The following WWOX variants were observed in gnomAD, a reference collection of about 807,000 sequenced individuals.
WWOX encodes WW domain containing oxidoreductase, also known as WW domain-containing oxidoreductase.
In WWOX, 69 loss-of-function variants were observed where a neutral mutation model predicts 46.2. The ratio of observed to expected loss-of-function variants is 1.49; its 90% CI spans 1.23 to 1.82. WWOX has a LOEUF of 1.82. Among genes scored for constraint, WWOX ranks in the 40% most tolerant of loss-of-function variants. WWOX has a pLI of 0.00. For synonymous variants in WWOX, 359 were observed against 202.6 expected, an observed-to-expected ratio of 1.77 and a Z score of -6.56; for missense variants, 919 against 542.6, an observed-to-expected ratio of 1.69 and a Z score of -6.89.
chr16:78,385,426 G>T (rs774757654), intron 5 of WWOX, among the ~76,000 whole-genome samples: 1 of 152,156 alleles, frequency 6.6e-6, no homozygotes, highest in African/African-American at 2.4e-5. Context: ...TTATGAACAT[G>T]TATCGTTACA....
At chr16:78,176,257 A>T (rs2345440) in intron 5 of WWOX, among the ~76,000 whole-genome samples, 117,107 of 152,126 alleles carry the variant, frequency 0.77, 45,810 homozygotes, top group African/African-American at 0.93. Context: ...AGATATTGGG[A>T]TACTAAAAGT....
intron 8 of WWOX, among the ~76,000 whole-genome samples, chr16:79,131,744 G>T (rs1054924254): frequency 1.3e-5 from 2 of 152,238 alleles, no homozygotes; most frequent in Middle Eastern, 6.8e-3. Context: ...TTTACTCCTT[G>T]TATTAGTCCA....
intron 8 of WWOX, among the ~76,000 whole-genome samples, chr16:78,942,819 G>T (rs751448330): frequency 6.6e-6 from 1 of 152,238 alleles, no homozygotes; most frequent in Non-Finnish European, 1.5e-5. Flanking sequence ...CTGGTTTCCC[G>T]GAAGGGATGA....
At chr16:78,312,381 C>CTTTTT (rs561304972) in intron 5 of WWOX, among the ~76,000 whole-genome samples, 4 of 132,850 alleles carry the variant, frequency 3.0e-5, no homozygotes, top group Admixed American at 1.6e-4. Context: ...AGGTCTAATT[C>CTTTTT]TTTTTTTTTT....
intron 8 of WWOX, among the ~76,000 whole-genome samples, chr16:79,157,237 C>G (rs961140390): frequency 2.6e-4 from 40 of 152,148 alleles, no homozygotes; most frequent in African/African-American, 8.2e-4. Flanking sequence ...CAAGAGCATT[C>G]AAGAGTCTGT....
chr16:78,372,646 A>G (rs1471380865), intron 5 of WWOX, among the ~76,000 whole-genome samples: 1 of 152,150 alleles, frequency 6.6e-6, no homozygotes, highest in African/African-American at 2.4e-5. Flanking sequence ...CTGTCAGCCC[A>G]CTTCCTGCTG....
Position 78,989,618 on chromosome 16 carries a change from G to C in WWOX, c.1057-221990G>C, listed in dbSNP as rs529863401. Among the ~76,000 whole-genome samples the C allele has an allele frequency of 2.0e-5, 3 of 152,330 alleles. No individual in the cohort carries two copies. The South Asian group carries it at 6.2e-4, about 32-fold the overall frequency. ...TGGGGATAAATACTGAGACTGAGCA[G>C]TCTTGTGGATTCAGGAATTGGGCAT... On this transcript the variant is annotated intron_variant, in intron 8 of 8. Transcript: ENST00000566780.
rs575376468 is a variant in WWOX, at chr16:79,088,346, G to A, written c.1057-123262G>A. On this transcript the variant is annotated intron_variant, in intron 8 of 8. Transcript: ENST00000566780. ...CACAGCCATGCAAAATCCATGTAGCGGCAGGAATTTTGCAGCTGGAGTTGC... is the reference window on the plus strand; with the variant it reads ...CACAGCCATGCAAAATCCATGTAGCAGCAGGAATTTTGCAGCTGGAGTTGC... Among the ~76,000 whole-genome samples the A allele has an allele frequency of 7.2e-5, 11 of 152,248 alleles. No homozygotes were observed. In the South Asian group the frequency reaches 1.5e-3, roughly 20 times the overall value.
intron 8 of WWOX, among the ~76,000 whole-genome samples, chr16:78,979,706 A>C (rs530114404): frequency 6.6e-6 from 1 of 152,224 alleles, no homozygotes; most frequent in Non-Finnish European, 1.5e-5. Context: ...TCCATGCTTG[A>C]GGCATGAGAT....
chr16:78,557,806 C>A (rs1361235938), intron 8 of WWOX, among the ~76,000 whole-genome samples: 1 of 149,556 alleles, frequency 6.7e-6, no homozygotes, highest in Non-Finnish European at 1.5e-5. Flanking sequence ...AACAATTCTC[C>A]TACGTCAGCC....
intron 8 of WWOX, among the ~76,000 whole-genome samples, chr16:78,812,271 C>G (rs1392305279): frequency 1.3e-5 from 2 of 152,224 alleles, no homozygotes; most frequent in East Asian, 3.9e-4. Flanking sequence ...TGAGGGTGGA[C>G]ATTATAGAGG....
At chr16:78,314,856 G>C (rs558020046) in intron 5 of WWOX, among the ~76,000 whole-genome samples, 3 of 152,004 alleles carry the variant, frequency 2.0e-5, no homozygotes, top group South Asian at 4.2e-4. Flanking sequence ...CTGGTGAATG[G>C]TGTCATTTTG....
At chr16:78,233,222 A>T (rs1396376624) in intron 5 of WWOX, among the ~76,000 whole-genome samples, 3 of 152,188 alleles carry the variant, frequency 2.0e-5, no homozygotes, top group Non-Finnish European at 2.9e-5. Flanking sequence ...CTGAACTGAC[A>T]TTTCACAGAT....
At chr16:78,945,781 T>C (rs2045937250) in intron 8 of WWOX, among the ~76,000 whole-genome samples, 2 of 152,152 alleles carry the variant, frequency 1.3e-5, no homozygotes, top group Non-Finnish European at 2.9e-5. Flanking sequence ...CTGGTATGTG[T>C]ATTATGTTCT....
In WWOX at chr16:79,179,355, G is replaced by T. The variant is rs143703020; in HGVS notation, c.1057-32253G>T. Among the ~76,000 whole-genome samples the T allele has an allele frequency of 3.3e-5, 5 of 152,162 alleles. No homozygotes were observed. In the South Asian group the frequency reaches 1.0e-3, roughly 32 times the overall value. On this transcript the variant is annotated intron_variant, in intron 8 of 8. Transcript: ENST00000566780. ...ATGAGAGGTACTCTTAGCAAATCACGCCTTATTCCTAGGCAGACTTCTTGG... is the reference window on the plus strand; with the variant it reads ...ATGAGAGGTACTCTTAGCAAATCACTCCTTATTCCTAGGCAGACTTCTTGG...
At chr16:78,916,314 C>A (rs188268153) in intron 8 of WWOX, among the ~76,000 whole-genome samples, 1 of 152,142 alleles carries the variant, frequency 6.6e-6, no homozygotes, top group Non-Finnish European at 1.5e-5. Context: ...GAGGGGTTTC[C>A]TTTAGATAAA....
At chr16:79,155,305 G>A (rs1567586681) in intron 8 of WWOX, among the ~76,000 whole-genome samples, 1 of 152,166 alleles carries the variant, frequency 6.6e-6, no homozygotes, top group South Asian at 2.1e-4. Flanking sequence ...GAACCAGGGA[G>A]GAAGAGGTTG....
At chr16:78,434,985 T>C (rs2083302795) in intron 8 of WWOX, among the ~76,000 whole-genome samples, 1 of 152,178 alleles carries the variant, frequency 6.6e-6, no homozygotes, top group Non-Finnish European at 1.5e-5. Context: ...TTATCTAATA[T>C]TTAATATAAT....
intron 8 of WWOX, among the ~76,000 whole-genome samples, chr16:78,719,633 G>T (rs966514211): frequency 2.6e-5 from 4 of 152,292 alleles, no homozygotes; most frequent in African/African-American, 9.6e-5. Context: ...AGCTAGTCAG[G>T]TAAGTTAGAT....
Sources: allele counts gnomAD v4.1 joint callset (sites outside exome capture counted in the v4.1 genomes callset), GRCh38; gene constraint gnomAD v4.1.1; transcripts MANE v1.5; gene names NCBI Gene and HGNC (gene_info 2026-07-23, HGNC 2026-07-21).